ATRNL1: variants seen among roughly 807,000 people sequenced by gnomAD.
ATRNL1 encodes the protein attractin-like protein 1.
Under a neutral mutation model 182.7 loss-of-function variants are expected in ATRNL1, and 95 were observed. That is an observed-to-expected ratio of 0.52 (90% CI 0.44 to 0.62). The LOEUF is 0.62. Ranked by LOEUF, ATRNL1 falls within the 20% of genes least tolerant of loss-of-function variation. The pLI, the probability that ATRNL1 is intolerant of heterozygous loss-of-function variation, is 0.00. For synonymous variants in ATRNL1, 576 were observed against 568.3 expected (o/e 1.01, Z -0.19); for missense variants, 1,471 against 1,679.5 (o/e 0.88, Z 2.17).
At chr10:115,624,863 T>C (rs1857989950) in intron 26 of ATRNL1, among the ~76,000 whole-genome samples, 1 of 152,226 alleles carries the variant, frequency 6.6e-6, no homozygotes, top group African/African-American at 2.4e-5. Flanking sequence ...ATATTTCATT[T>C]TCTTTAAGTT....
intron 27 of ATRNL1, chr10:115,820,610 G>C (rs569824886): frequency 3.5e-4 from 53 of 152,208 alleles, no homozygotes; most frequent in African/African-American, 1.3e-3. Flanking sequence ...CCTGTCAGAG[G>C]CAAAGGGCTC....
intron 27 of ATRNL1, among the ~76,000 whole-genome samples, chr10:115,818,887 G>A (rs896322537): frequency 7.2e-5 from 11 of 152,040 alleles, no homozygotes; most frequent in African/African-American, 2.7e-4. Flanking sequence ...AGAGAACCAC[G>A]GTCATCACCC....
chr10:115,250,447 A>G (rs1850827212), intron 10 of ATRNL1, among the ~76,000 whole-genome samples: 2 of 152,188 alleles, frequency 1.3e-5, no homozygotes, highest in Non-Finnish European at 1.5e-5. Context: ...ACCAATAACT[A>G]TAGTATGTAC....
rs139027853 is a variant in ATRNL1 at position 115,774,848 on chromosome 10, G to T, written c.3903+47493G>T. Among the ~76,000 whole-genome samples, 1,098 of 150,438 alleles carry T rather than the reference G, an allele frequency of 7.3e-3. 16 individuals are homozygous for T. Among genetic ancestry groups the T allele is most frequent in the African/African-American group, 0.025 (1,046 of 41,026 alleles). ...CTTGCTAACGTTTCACTCAGTTATAGTTGGAGTTAGTGAAGTCATGGTTTG... is the reference window on the plus strand; with the variant it reads ...CTTGCTAACGTTTCACTCAGTTATATTTGGAGTTAGTGAAGTCATGGTTTG... On this transcript the variant is annotated intron_variant, in intron 27 of 28. Transcript: ENST00000355044.
intron 26 of ATRNL1, among the ~76,000 whole-genome samples, chr10:115,717,365 T>A (rs2134033579): frequency 6.6e-6 from 1 of 152,236 alleles, no homozygotes; most frequent in South Asian, 2.1e-4. Context: ...GTGTGCCTAA[T>A]GATTTACAGA....
intron 26 of ATRNL1, among the ~76,000 whole-genome samples, chr10:115,709,854 CTCA>C (rs1210736606): frequency 6.6e-6 from 1 of 152,018 alleles, no homozygotes; most frequent in African/African-American, 2.4e-5. Context: ...TTCCTAAAAT[CTCA>C]TCACTTGTTT....
chr10:115,305,244 T>C (rs879987466), intron 17 of ATRNL1, among the ~76,000 whole-genome samples: 2 of 152,146 alleles, frequency 1.3e-5, no homozygotes, highest in Non-Finnish European at 2.9e-5. Context: ...AATATGTATT[T>C]GGTCCATAGT....
At chr10:115,730,561 A>G (rs1053481561) in intron 27 of ATRNL1, among the ~76,000 whole-genome samples, 2 of 152,056 alleles carry the variant, frequency 1.3e-5, no homozygotes, top group Admixed American at 6.6e-5. Context: ...GTGTATGTGT[A>G]TATATACATA....
intron 25 of ATRNL1, among the ~76,000 whole-genome samples, chr10:115,548,111 G>C (rs570060826): frequency 6.6e-6 from 1 of 152,150 alleles, no homozygotes; most frequent in East Asian, 1.9e-4. Flanking sequence ...GACTTAGTCC[G>C]TGTGGGACTA....
rs111759176 is a variant in ATRNL1, at chr10:115,550,548, A to T, written c.3795+1012A>T. Among the ~76,000 whole-genome samples the T allele has an allele frequency of 8.3e-3, 1,262 of 152,010 alleles. 16 individuals are homozygous for T. Among genetic ancestry groups the T allele is most frequent in the African/African-American group, 0.029 (1,202 of 41,568 alleles). On this transcript the variant is annotated intron_variant, in intron 26 of 28. Coordinates refer to ENST00000355044, the MANE Select transcript of ATRNL1 (RefSeq NM_207303.4). ...AAACTGGAGTCCCTCCCTGTCTTCAAATAAATCATTCATCTTAATACTCTC... is the reference window on the plus strand; with the variant it reads ...AAACTGGAGTCCCTCCCTGTCTTCATATAAATCATTCATCTTAATACTCTC...
chr10:115,826,370 G>A (rs1018849306), intron 27 of ATRNL1, among the ~76,000 whole-genome samples: 7 of 152,142 alleles, frequency 4.6e-5, no homozygotes, highest in Non-Finnish European at 8.8e-5. Flanking sequence ...GCAGCCAGTG[G>A]CATCTTCTCT....
At chr10:115,797,633 A>C (rs1949686908) in intron 27 of ATRNL1, among the ~76,000 whole-genome samples, 1 of 152,206 alleles carries the variant, frequency 6.6e-6, no homozygotes, top group Non-Finnish European at 1.5e-5. Flanking sequence ...ACGTGTGTGT[A>C]GTATCTGTTA....
chr10:115,122,179 AT>A (rs1554871855), intron 3 of ATRNL1, among the ~76,000 whole-genome samples: 1 of 151,672 alleles, frequency 6.6e-6, no homozygotes. Flanking sequence ...TTGTTTTTTT[AT>A]TTTAGTGAAA....
intron 9 of ATRNL1, among the ~76,000 whole-genome samples, chr10:115,229,635 T>A (rs1220511862): frequency 2.0e-5 from 3 of 152,044 alleles, no homozygotes; most frequent in African/African-American, 7.2e-5. Context: ...TATCAGAGAT[T>A]TATTAAAATG....
At chr10:115,476,042 A>G (rs1554973045) in intron 24 of ATRNL1, among the ~76,000 whole-genome samples, 2 of 151,050 alleles carry the variant, frequency 1.3e-5, no homozygotes, top group African/African-American at 2.4e-5. Flanking sequence ...CTTTTTTCTG[A>G]TATATACTCT....
chr10:115,393,057 G>A (rs1190635523), intron 19 of ATRNL1, among the ~76,000 whole-genome samples: 1 of 152,044 alleles, frequency 6.6e-6, no homozygotes, highest in Non-Finnish European at 1.5e-5. Context: ...CTTCTGTGAA[G>A]TCCCACTCAT....
chr10:115,324,276 T>C (rs1322420123), intron 18 of ATRNL1, among the ~76,000 whole-genome samples: 1 of 152,338 alleles, frequency 6.6e-6, no homozygotes, highest in Non-Finnish European at 1.5e-5. Context: ...CAATGTTTTA[T>C]CAAAATACAA....
At chr10:115,205,638 A>G (rs1848766942) in intron 8 of ATRNL1, among the ~76,000 whole-genome samples, 1 of 151,380 alleles carries the variant, frequency 6.6e-6, no homozygotes. Flanking sequence ...TCTCTTTGTA[A>G]TTTTTAAGTG....
At position 115,326,420 on chromosome 10, in the gene ATRNL1, T is replaced by A. The variant is rs576174223; in HGVS notation, c.3038-7862T>A. On this transcript the variant is annotated intron_variant, in intron 18 of 28. Transcript: ENST00000355044. ...CAAGGAGAACTACAAACCACTGCTCTAGGAAATAAAAGAGGATACAAACAA... is the reference window on the plus strand; with the variant it reads ...CAAGGAGAACTACAAACCACTGCTCAAGGAAATAAAAGAGGATACAAACAA... Among the ~76,000 whole-genome samples, 16 of 152,064 alleles carry A rather than the reference T, an allele frequency of 1.1e-4. No individual in the cohort carries two copies. The East Asian group carries it at 1.7e-3, about 17-fold the overall frequency.
Sources: allele counts gnomAD v4.1 joint callset (sites outside exome capture counted in the v4.1 genomes callset), GRCh38; gene constraint gnomAD v4.1.1; transcripts MANE v1.5; gene names NCBI Gene and HGNC (gene_info 2026-07-23, HGNC 2026-07-21).